FCHO2: variants seen among roughly 807,000 people sequenced by gnomAD.
FCHO2 encodes the protein FCH and mu domain containing endocytic adaptor 2, also known as F-BAR domain only protein 2.
Under a neutral mutation model 114.1 loss-of-function variants are expected in FCHO2, and 43 were observed. The ratio of observed to expected loss-of-function variants is 0.38; its 90% CI spans 0.30 to 0.49. The LOEUF is 0.49. FCHO2 is among the 20% of genes least tolerant of loss of function. The probability of loss-of-function intolerance (pLI) is 0.97; values close to 1 mark genes in which losing one functional copy is unlikely to be tolerated. For synonymous variants in FCHO2, 293 were observed against 315.2 expected (o/e 0.93, Z 0.75); for missense variants, 807 against 950.4 (o/e 0.85, Z 1.98).
At chr5:73,041,710 A>G (rs1756813303) in intron 11 of FCHO2, among the ~76,000 whole-genome samples, 2 of 152,100 alleles carry the variant, frequency 1.3e-5, no homozygotes, top group South Asian at 2.1e-4. Flanking sequence ...AGAGCTTGTC[A>G]TTTTAGAAAT....
At chr5:73,026,463 T>G (rs569434282) in intron 8 of FCHO2, among the ~76,000 whole-genome samples, 2 of 151,786 alleles carry the variant, frequency 1.3e-5, no homozygotes, top group South Asian at 4.2e-4. Flanking sequence ...AGAGCAAGAT[T>G]CCGTCTCAAA....
At chr5:73,081,457 T>G (rs1743087601) in intron 22 of FCHO2, among the ~76,000 whole-genome samples, 1 of 152,216 alleles carries the variant, frequency 6.6e-6, no homozygotes, top group African/African-American at 2.4e-5. Context: ...TCGCAAACTT[T>G]ACACGCATAA....
intron 2 of FCHO2, among the ~76,000 whole-genome samples, chr5:72,974,915 T>G (rs1359648476): frequency 6.6e-6 from 1 of 152,176 alleles, no homozygotes; most frequent in African/African-American, 2.4e-5. Flanking sequence ...ACAAAATCTC[T>G]CAGCATTTGC....
chr5:73,006,396 A>G, intron 5 of FCHO2, 49 bp from the exon 6 acceptor site: 2 of 1,141,360 alleles, frequency 1.8e-6, no homozygotes, highest in Admixed American at 3.8e-5. Flanking sequence ...ATTAGGAAAG[A>G]AAAAAGGTCA....
chr5:72,966,880 G>A (rs757476955), intron 1 of FCHO2, among the ~76,000 whole-genome samples: 5 of 152,118 alleles, frequency 3.3e-5, no homozygotes, highest in South Asian at 2.1e-4. Context: ...TTATTTCATC[G>A]AATAAATTGA....
At position 73,054,541 on chromosome 5, in the gene FCHO2, A is replaced by G; in HGVS notation, c.1202A>G (p.Asn401Ser). Reference sequence around the variant, plus strand: ...CTGTTTTAGGTACAGATGAATCGGAATTTGTCTAGTAAGTTTGACATTTGA... The same window carrying G: ...CTGTTTTAGGTACAGATGAATCGGAGTTTGTCTAGTAAGTTTGACATTTGA... ...SRHSPVQMNR[N>S]LSNEELTKSK... The change falls in exon 15 of 26, where the codon AAT (asparagine) becomes AGT (serine). Residue 401 changes from asparagine to serine, a missense_variant. Physicochemically the swap from Asn to Ser is conservative, Grantham distance 46. Transcript: ENST00000430046. The G allele has an allele frequency of 6.5e-7, 1 of 1,540,534 alleles. No homozygotes were observed. The highest frequency in any genetic ancestry group is 8.8e-7 in the Non-Finnish European group (1 of 1,141,808).
chr5:73,071,177 C>A (rs1742628952), intron 19 of FCHO2, among the ~76,000 whole-genome samples: 1 of 151,970 alleles, frequency 6.6e-6, no homozygotes, highest in African/African-American at 2.4e-5. Context: ...ATCAAATCCC[C>A]AACTATAAAA....
chr5:73,048,870 CTTTTTTTTTTTTTT>C (rs764057424), intron 11 of FCHO2, among the ~76,000 whole-genome samples: 1 of 105,436 alleles, frequency 9.5e-6, no homozygotes, highest in Admixed American at 1.1e-4. Context: ...AATTTGCTAT[CTTTTTTTTTTTTTT>C]TTTTTTTTTT....
intron 1 of FCHO2, among the ~76,000 whole-genome samples, chr5:72,961,383 C>T (rs1381265439): frequency 6.6e-6 from 1 of 151,970 alleles, no homozygotes; most frequent in African/African-American, 2.4e-5. Flanking sequence ...TTGAAATTTC[C>T]AAATATTGTA....
Position 73,068,713 on chromosome 5 carries a change from C to A in FCHO2, c.1513C>A (p.Arg505=). 1 of 1,612,306 alleles carries A rather than the reference C, an allele frequency of 6.2e-7. No homozygotes were observed. The highest frequency in any genetic ancestry group is 8.5e-7 in the Non-Finnish European group (1 of 1,178,910). ...CCCACCTCCTGCTGCACCATTAGCC[C>A]GGGCAGAAAGTTCTTCTTCTATCTC... ...TSPPPAAPLA[R]AESSSSISSS... The change falls in exon 19 of 26, where the codon CGG becomes AGG. Residue 505 remains arginine, a synonymous_variant. Transcript: ENST00000430046.
intron 8 of FCHO2, among the ~76,000 whole-genome samples, chr5:73,029,803 G>A (rs1024563178): frequency 2.0e-5 from 3 of 151,998 alleles, no homozygotes; most frequent in African/African-American, 7.2e-5. Context: ...ATAACTTAGC[G>A]AGAACACACT....
At chr5:73,043,458 T>G (rs1160550024) in intron 11 of FCHO2, among the ~76,000 whole-genome samples, 1 of 152,120 alleles carries the variant, frequency 6.6e-6, no homozygotes, top group Non-Finnish European at 1.5e-5. Flanking sequence ...TGTGTATACA[T>G]ATACACACAT....
chr5:72,986,677 T>A (rs1410548002), intron 2 of FCHO2, among the ~76,000 whole-genome samples: 3 of 152,198 alleles, frequency 2.0e-5, no homozygotes, highest in Non-Finnish European at 4.4e-5. Flanking sequence ...GTATCCCTTA[T>A]TTGAAATGCT....
intron 10 of FCHO2, among the ~76,000 whole-genome samples, chr5:73,039,267 C>T (rs1246256301): frequency 6.6e-6 from 1 of 152,168 alleles, no homozygotes; most frequent in East Asian, 1.9e-4. Flanking sequence ...AGGCCCTTTT[C>T]AGAGCTTCCT....
intron 10 of FCHO2, among the ~76,000 whole-genome samples, chr5:73,039,441 GAAGA>G (rs1041098648): frequency 4.7e-4 from 72 of 152,276 alleles, no homozygotes; most frequent in African/African-American, 1.5e-3. Flanking sequence ...TTTAAAAAAA[GAAGA>G]AAGTAGAAAT....
intron 19 of FCHO2, among the ~76,000 whole-genome samples, chr5:73,070,261 G>A (rs981214581): frequency 6.6e-6 from 1 of 152,058 alleles, no homozygotes; most frequent in Non-Finnish European, 1.5e-5. Flanking sequence ...TGTGGCCATT[G>A]TAAAAAGACG....
At chr5:73,081,755 A>C in intron 22 of FCHO2, 28 bp from the exon 23 acceptor site, 1 of 1,428,748 alleles carries the variant, frequency 7.0e-7, no homozygotes, top group Non-Finnish European at 9.3e-7. Context: ...CAGGCCAAAA[A>C]CAATTGTTTG....
chr5:72,969,999 A>C (rs1430369975), intron 2 of FCHO2, among the ~76,000 whole-genome samples: 1 of 152,144 alleles, frequency 6.6e-6, no homozygotes, highest in Non-Finnish European at 1.5e-5. Context: ...TGCTGATCCC[A>C]GCTATCATTA....
chr5:73,086,784 T>TA (rs1743327308), intron 24 of FCHO2, among the ~76,000 whole-genome samples: 1 of 152,176 alleles, frequency 6.6e-6, no homozygotes, highest in Non-Finnish European at 1.5e-5. Context: ...TGGCCCATGC[T>TA]ACCACTCTAG....
Sources: allele counts gnomAD v4.1 joint callset (sites outside exome capture counted in the v4.1 genomes callset), GRCh38; gene constraint gnomAD v4.1.1; transcripts MANE v1.5; gene names NCBI Gene and HGNC (gene_info 2026-07-23, HGNC 2026-07-21).